SYTL5: variants seen among roughly 807,000 people sequenced by gnomAD.
SYTL5 encodes synaptotagmin like 5, also known as synaptotagmin-like protein 5.
In SYTL5, 34 loss-of-function variants were observed where a neutral mutation model predicts 55.9. The observed-to-expected ratio is 0.61, with a 90% CI of 0.46 to 0.81. SYTL5 has a LOEUF of 0.81. SYTL5 is among the 30% of genes least tolerant of loss of function. The pLI, the probability that SYTL5 is intolerant of heterozygous loss-of-function variation, is 0.00. For synonymous variants in SYTL5, 221 were observed against 188.7 expected (o/e 1.17, Z -1.40); for missense variants, 637 against 546.7 (o/e 1.17, Z -1.65).
chrX:38,003,959 C>T (rs753770450), upstream of SYTL5, among the ~76,000 whole-genome samples: 44 of 112,259 alleles, frequency 3.9e-4, no homozygotes, highest in Admixed American at 1.4e-3. Flanking sequence ...AGCACCTTTT[C>T]ATATGCCTTT....
intron 6 of SYTL5, among the ~76,000 whole-genome samples, 168 bp from the exon 7 acceptor site, chrX:38,089,278 T>G (rs2147504777): frequency 8.9e-6 from 1 of 112,057 alleles, no homozygotes; most frequent in Admixed American, 9.4e-5. Flanking sequence ...CCTCAGGGCC[T>G]TTGAGGAGGA....
chrX:37,973,517 T>C, the SYTL5 span, among the ~76,000 whole-genome samples: 1 of 111,997 alleles, frequency 8.9e-6, no homozygotes, highest in Non-Finnish European at 1.9e-5. Context: ...AAGAGAACTC[T>C]GATGATTTAA....
At position 38,022,418 on chromosome X, in the gene SYTL5, T is replaced by A. The variant is rs887369374; in HGVS notation, c.-356-11116T>A. Among the ~76,000 whole-genome samples the A allele has an allele frequency of 4.5e-5, 5 of 112,343 alleles. No homozygotes were observed. In the Admixed American group the frequency reaches 4.7e-4, roughly 11 times the overall value. ...CAAAATGAGTCTTGGGAGACTAAAATCATGGTGTTAGCAGGGTTGCATTTC... is the reference window on the plus strand; with the variant it reads ...CAAAATGAGTCTTGGGAGACTAAAAACATGGTGTTAGCAGGGTTGCATTTC... On this transcript the variant is annotated intron_variant, in intron 1 of 16. Transcript: ENST00000297875.
intron 14 of SYTL5, 29 bp downstream of exon 14, chrX:38,120,495 A>G (rs1175727348): frequency 1.9e-6 from 2 of 1,077,387 alleles, no homozygotes; most frequent in East Asian, 3.0e-5. Flanking sequence ...ACTTTGATCA[A>G]TGACATTCTG....
the SYTL5 span, among the ~76,000 whole-genome samples, chrX:37,981,449 C>T: frequency 1.8e-5 from 2 of 111,200 alleles, no homozygotes; most frequent in African/African-American, 6.6e-5. Flanking sequence ...GTGCATGCCA[C>T]CATGCCTAGC....
chrX:38,000,893 A>G, the SYTL5 span, among the ~76,000 whole-genome samples: 1 of 111,703 alleles, frequency 9.0e-6, no homozygotes. Context: ...TTTGCTGGTC[A>G]ATGGCCTGCC....
chrX:38,002,630 T>G (rs1485707428), upstream of SYTL5, among the ~76,000 whole-genome samples: 1 of 112,555 alleles, frequency 8.9e-6, no homozygotes, highest in Non-Finnish European at 1.9e-5. Flanking sequence ...GATGAGCATT[T>G]TTTCATCTGT....
intron 6 of SYTL5, among the ~76,000 whole-genome samples, chrX:38,080,066 G>T (rs1465586697): frequency 9.0e-6 from 1 of 111,171 alleles, no homozygotes; most frequent in African/African-American, 3.3e-5. Flanking sequence ...TAGGGGTGAG[G>T]GGGAGACAAA....
chrX:37,950,081 C>A, the SYTL5 span, among the ~76,000 whole-genome samples: 2 of 111,679 alleles, frequency 1.8e-5, no homozygotes, highest in African/African-American at 6.5e-5. Flanking sequence ...TTAATCAATA[C>A]CTATTTAAAT....
intron 6 of SYTL5, among the ~76,000 whole-genome samples, chrX:38,088,893 G>C (rs1936725825): frequency 8.9e-6 from 1 of 112,239 alleles, no homozygotes; most frequent in Non-Finnish European, 1.9e-5. Context: ...ATCCATTAGG[G>C]AGCCAAACAA....
At chrX:37,993,159 G>A in the SYTL5 span, among the ~76,000 whole-genome samples, 1 of 111,918 alleles carries the variant, frequency 8.9e-6, no homozygotes. Context: ...CATTTACACA[G>A]CTCTCCAGAT....
the SYTL5 span, among the ~76,000 whole-genome samples, chrX:37,960,462 C>T: frequency 8.9e-6 from 1 of 112,142 alleles, no homozygotes; most frequent in South Asian, 3.7e-4. Flanking sequence ...CAGTTCATCA[C>T]TCTTAAATTC....
At chrX:37,894,941 C>A in the SYTL5 span, among the ~76,000 whole-genome samples, 840 of 111,478 alleles carry the variant, frequency 7.5e-3, 4 homozygotes, top group Non-Finnish European at 0.013. Context: ...TGGATTCTGA[C>A]TGAGTTATAC....
At chrX:37,910,291 C>A in the SYTL5 span, among the ~76,000 whole-genome samples, 1 of 111,879 alleles carries the variant, frequency 8.9e-6, no homozygotes, top group Non-Finnish European at 1.9e-5. Flanking sequence ...ACAGTCTTTT[C>A]TCTGTGAATG....
chrX:37,971,907 G>T, the SYTL5 span, among the ~76,000 whole-genome samples: 1 of 109,158 alleles, frequency 9.2e-6, no homozygotes, highest in Non-Finnish European at 1.9e-5. Flanking sequence ...CTGTTTGCGG[G>T]CAGGACTCTA....
chrX:38,125,560 C>T, intron 16 of SYTL5, 54 bp downstream of exon 16: 3 of 1,007,920 alleles, frequency 3.0e-6, no homozygotes, highest in East Asian at 3.0e-5. Context: ...CAGGTGGGGG[C>T]GCTATTCTTG....
At chrX:37,961,006 G>C in the SYTL5 span, among the ~76,000 whole-genome samples, 7 of 108,781 alleles carry the variant, frequency 6.4e-5, no homozygotes, top group Admixed American at 4.0e-4. Context: ...CCGTGGTCTC[G>C]ATCTCCTGAC....
chrX:38,012,268 A>G (rs907570224), intron 1 of SYTL5, among the ~76,000 whole-genome samples: 4 of 112,400 alleles, frequency 3.6e-5, no homozygotes, highest in Non-Finnish European at 5.6e-5. Context: ...TTCCGAGAGA[A>G]TATCAGGACT....
At position 38,039,513 on chromosome X, in the gene SYTL5, T is replaced by G. The variant is rs566916378; in HGVS notation, c.119+5505T>G. On this transcript the variant is annotated intron_variant, in intron 2 of 16. Coordinates refer to ENST00000297875, the MANE Select transcript of SYTL5 (RefSeq NM_138780.3). ...TCATAATATCTACTCCAAAAAAATCTCATTAACAAATTTTTACTCTACTTG... is the reference window on the plus strand; with the variant it reads ...TCATAATATCTACTCCAAAAAAATCGCATTAACAAATTTTTACTCTACTTG... 1.4e-4 allele frequency among the ~76,000 whole-genome samples: 16 copies of G among 112,074 alleles called. No individual in the cohort carries two copies. The South Asian group carries it at 5.6e-3, about 39-fold the overall frequency.
Sources: gnomAD v4.1 joint callset for allele counts (sites outside exome capture counted in the v4.1 genomes callset) on GRCh38, gnomAD v4.1.1 for gene constraint, MANE v1.5 for transcripts, NCBI Gene and HGNC (gene_info 2026-07-23, HGNC 2026-07-21) for gene names.